The following ANXA5 variants were observed in gnomAD, a reference collection of about 807,000 sequenced individuals.
ANXA5 encodes the protein annexin A5.
In ANXA5, 40 loss-of-function variants were observed where a neutral mutation model predicts 48.1. That is an observed-to-expected ratio of 0.83 (90% confidence interval 0.65 to 1.08). The LOEUF is 1.08. ANXA5 is among the 50% of genes least tolerant of loss of function. The pLI is 0.00. For missense variants in ANXA5, 357 were observed against 376.8 expected (o/e 0.95, Z 0.44); for synonymous variants, 113 against 129.1 (o/e 0.88, Z 0.85).
At chr4:121,687,862 C>A (rs1254105254) in intron 2 of ANXA5, among the ~76,000 whole-genome samples, 6 of 152,200 alleles carry the variant, frequency 3.9e-5, no homozygotes, top group African/African-American at 7.2e-5. Flanking sequence ...CATTGGGCCT[C>A]CTTTGCCTGC....
chr4:121,683,497 A>C lies in ANXA5; in HGVS notation c.190-20T>G, dbSNP rs745552452. 11 of 1,406,810 alleles carry C rather than the reference A, an allele frequency of 7.8e-6. No homozygotes were observed. In the South Asian group the frequency reaches 1.3e-4, roughly 17 times the overall value. 87.1% of individuals were successfully genotyped at this position (1,406,810 alleles called of 1,614,324 possible). ...AAGATCCTAACCCACAGAAAATACA[A>C]ATTTGTTAACCAGCAGAAATTGTAA... On this transcript the variant is annotated intron_variant, in intron 4 of 12. Coordinates refer to ENST00000296511, the MANE Select transcript of ANXA5 (RefSeq NM_001154.4).
At chr4:121,678,925 A>G (rs986840222) in intron 6 of ANXA5, among the ~76,000 whole-genome samples, 4 of 142,440 alleles carry the variant, frequency 2.8e-5, no homozygotes, top group Non-Finnish European at 6.3e-5. Context: ...ATCACTCCTA[A>G]TAAGGTATTT....
intron 4 of ANXA5, among the ~76,000 whole-genome samples, chr4:121,684,069 A>ATTTT (rs1283199895): frequency 2.2e-4 from 34 of 152,098 alleles, no homozygotes; most frequent in African/African-American, 7.7e-4. Context: ...ACAACTAAAA[A>ATTTT]TGGTGTTTAG....
At chr4:121,669,376 C>A in intron 12 of ANXA5, 1 of 510,216 alleles carries the variant, frequency 2.0e-6, no homozygotes, top group Non-Finnish European at 3.4e-6. Flanking sequence ...AATAATGCTT[C>A]TGAGTTCACC....
At position 121,686,392 on chromosome 4, in the gene ANXA5, G is replaced by A. The variant is rs1724890964; in HGVS notation, c.10-20C>T. 3 of 1,582,642 alleles carry A rather than the reference G, an allele frequency of 1.9e-6. No homozygotes were observed. The East Asian group carries it at 6.7e-5, about 35-fold the overall frequency. On this transcript the variant is annotated intron_variant, in intron 2 of 12. Coordinates refer to ENST00000296511, the MANE Select transcript of ANXA5 (RefSeq NM_001154.4). Reference sequence around the variant, plus strand: ...GAGAACCTAATTCACGAAACACAGTGGTATTATTCATATCATGACTAATAT... The same window carrying A: ...GAGAACCTAATTCACGAAACACAGTAGTATTATTCATATCATGACTAATAT...
Position 121,694,118 on chromosome 4 carries a change from G to T in ANXA5, c.9+2463C>A, listed in dbSNP as rs984246819. Reference sequence around the variant, plus strand: ...TATTGTGGGCGGGGGGGAGGGGGGAGGGATAGCATTAGGAGATACAGCTAA... The same window carrying T: ...TATTGTGGGCGGGGGGGAGGGGGGATGGATAGCATTAGGAGATACAGCTAA... On this transcript the variant is annotated intron_variant, in intron 2 of 12. Transcript: ENST00000296511. 1.4e-4 allele frequency among the ~76,000 whole-genome samples: 15 copies of T among 104,516 alleles called. 1 individual carries two copies. Among genetic ancestry groups the T allele is most frequent in the African/African-American group, 5.0e-4 (11 of 22,054 alleles). 68.6% of individuals were successfully genotyped at this position (104,516 alleles called of 152,430 possible). A position where few individuals can be genotyped will look rare whatever the true frequency, so the allele number is the denominator to read the frequency against.
At chr4:121,681,809 A>G in intron 5 of ANXA5, 48 bp from the exon 6 acceptor site, 2 of 1,346,930 alleles carry the variant, frequency 1.5e-6, no homozygotes, top group Non-Finnish European at 2.1e-6. Flanking sequence ...GATTAAAAAG[A>G]AAGTTATTAA....
rs1347274737 is a variant in ANXA5 at position 121,669,706 on chromosome 4, G to A, written c.799C>T (p.His267Tyr). The change falls in exon 12 of 13, where the codon CAT becomes TAT. Residue 267 changes from histidine (H) to tyrosine (Y), a missense_variant. His to Tyr is a moderately conservative substitution (Grantham distance 83). Transcript: ENST00000296511. ...GAAACCATGACTCTGATGAGGGTAT[G>A]ATCATCTGTCCCAGCTCCCTTTAAA... is the stretch of plus-strand genomic sequence containing the variant. ...YAMKGAGTDD[H>Y]TLIRVMVSRS... is the part of the protein sequence containing the mutation. 3.1e-6 allele frequency: 5 copies of A among 1,605,006 alleles called. No homozygotes were observed. Among genetic ancestry groups the A allele is most frequent in the Non-Finnish European group, 3.4e-6 (4 of 1,175,120 alleles).
At chr4:121,679,756 G>A (rs935140720) in intron 6 of ANXA5, among the ~76,000 whole-genome samples, 3 of 151,864 alleles carry the variant, frequency 2.0e-5, no homozygotes, top group African/African-American at 7.3e-5. Context: ...GAGTTATGAT[G>A]GACAAATAAA....
chr4:121,678,072 G>T, intron 7 of ANXA5, 122 bp from the exon 8 acceptor site: 1 of 790,220 alleles, frequency 1.3e-6, no homozygotes, highest in Non-Finnish European at 2.2e-6. Flanking sequence ...CTTTTATTAA[G>T]ATCAATCCTG....
rs1352475784 is a variant in ANXA5, at chr4:121,671,540, C to T, written c.721+7G>A. The T allele has an allele frequency of 2.5e-6, 4 of 1,601,508 alleles. No homozygotes were observed. The highest frequency in any genetic ancestry group is 2.6e-6 in the Non-Finnish European group (3 of 1,168,750). Reference sequence around the variant, plus strand: ...CCAAAAATATCAATACATTGTAAATCACCTACCAACAGCAAGGAGTAGTTG... The same window carrying T: ...CCAAAAATATCAATACATTGTAAATTACCTACCAACAGCAAGGAGTAGTTG... On this transcript the variant is annotated splice_region_variant and intron_variant, in intron 10 of 12. Coordinates refer to ENST00000296511, the MANE Select transcript of ANXA5 (RefSeq NM_001154.4).
chr4:121,672,527 A>C lies in ANXA5; in HGVS notation c.625+6T>G. The C allele has an allele frequency of 6.2e-7, 1 of 1,610,598 alleles. No homozygotes were observed. The highest frequency in any genetic ancestry group is 8.5e-7 in the Non-Finnish European group (1 of 1,177,380). On this transcript the variant is annotated splice_donor_region_variant and intron_variant, in intron 9 of 12. Transcript: ENST00000296511. ...TATCTGCCCCATACAGATTTTTTTC[A>C]CTCACCCTTTCTCAAATGAGACACA...
intron 2 of ANXA5, among the ~76,000 whole-genome samples, chr4:121,692,899 C>G (rs74663953): frequency 0.017 from 2,630 of 152,328 alleles, 34 homozygotes; most frequent in East Asian, 0.042. Flanking sequence ...AAGCCTCATG[C>G]ATTCATGAAT....
intron 2 of ANXA5, among the ~76,000 whole-genome samples, chr4:121,689,699 C>A (rs1171769186): frequency 6.6e-6 from 1 of 152,014 alleles, no homozygotes; most frequent in Non-Finnish European, 1.5e-5. Context: ...CTAAAATGTG[C>A]AGACCTCATC....
chr4:121,685,051 T>C (rs56014587), intron 3 of ANXA5, among the ~76,000 whole-genome samples: 17,343 of 145,608 alleles, frequency 0.12, 1,047 homozygotes, highest in South Asian at 0.16. Flanking sequence ...TATATATATA[T>C]ACACACACAC....
chr4:121,672,972 C>A (rs563723397), intron 8 of ANXA5, among the ~76,000 whole-genome samples: 6 of 152,180 alleles, frequency 3.9e-5, no homozygotes, highest in African/African-American at 1.4e-4. Context: ...GTTGATACAT[C>A]CATGTATAGA....
chr4:121,695,428 A>G (rs1185646144), intron 2 of ANXA5, among the ~76,000 whole-genome samples: 1 of 152,208 alleles, frequency 6.6e-6, no homozygotes, highest in Non-Finnish European at 1.5e-5. Flanking sequence ...AAGAGACAGC[A>G]TTGTTTTAGC....
At chr4:121,686,041 T>TG (rs992619586) in intron 3 of ANXA5, among the ~76,000 whole-genome samples, 4 of 151,600 alleles carry the variant, frequency 2.6e-5, no homozygotes, top group African/African-American at 9.7e-5. Context: ...TTTTTTTTTT[T>TG]TTTAGCTCAT....
intron 2 of ANXA5, among the ~76,000 whole-genome samples, chr4:121,696,118 G>A (rs1186374637): frequency 1.6e-5 from 2 of 127,180 alleles, no homozygotes; most frequent in African/African-American, 6.0e-5. Context: ...AAAAGCCAAT[G>A]CTCAATCACA....
Sources: gnomAD v4.1 joint callset for allele counts (sites outside exome capture counted in the v4.1 genomes callset) on GRCh38, gnomAD v4.1.1 for gene constraint, MANE v1.5 for transcripts, NCBI Gene and HGNC (gene_info 2026-07-23, HGNC 2026-07-21) for gene names.